USP4: variants seen among roughly 807,000 people sequenced by gnomAD.
USP4 encodes ubiquitin carboxyl-terminal hydrolase 4.
USP4 carries 72 observed loss-of-function variants against 118.2 expected under a neutral mutation model. The ratio of observed to expected loss-of-function variants is 0.61; its 90% CI spans 0.50 to 0.74. USP4 has a LOEUF of 0.74. Among genes scored for constraint, USP4 ranks in the 30% least tolerant of loss-of-function variants. The probability of loss-of-function intolerance (pLI) is 0.00; values close to 1 mark genes in which losing one functional copy is unlikely to be tolerated. For synonymous variants in USP4, 415 were observed against 440.4 expected (o/e 0.94, Z 0.72); for missense variants, 1,037 against 1,185.7 (o/e 0.87, Z 1.84).
intron 13 of USP4, among the ~76,000 whole-genome samples, chr3:49,295,714 G>GCGCGCGCACA (rs149459963): frequency 1.3e-5 from 2 of 148,320 alleles, no homozygotes; most frequent in African/African-American, 5.2e-5. Flanking sequence ...GCGCGCGCGC[G>GCGCGCGCACA]CACACACACA....
chr3:49,317,069 G>T, intron 6 of USP4: 1 of 1,209,052 alleles, frequency 8.3e-7, no homozygotes, highest in East Asian at 2.4e-5. Context: ...GGCAGGCCCT[G>T]CCCATGGTCT....
intron 9 of USP4, among the ~76,000 whole-genome samples, chr3:49,304,138 T>G (rs2047289647): frequency 6.6e-6 from 1 of 152,212 alleles, no homozygotes; most frequent in Non-Finnish European, 1.5e-5. Context: ...ACCAAGGGGA[T>G]GAAAGATAAT....
chr3:49,295,959 T>C (rs996227788), intron 13 of USP4, among the ~76,000 whole-genome samples: 1 of 152,094 alleles, frequency 6.6e-6, no homozygotes, highest in African/African-American at 2.4e-5. Flanking sequence ...ATTTATTCGG[T>C]GGACAATGGG....
chr3:49,310,014 T>C (rs1176256444), intron 8 of USP4, among the ~76,000 whole-genome samples: 1 of 127,500 alleles, frequency 7.8e-6, no homozygotes, highest in East Asian at 2.7e-4. Flanking sequence ...AGTGGCGTAA[T>C]CTCAGCTCAC....
intron 15 of USP4, among the ~76,000 whole-genome samples, chr3:49,287,188 T>G (rs2047103977): frequency 1.3e-5 from 2 of 151,992 alleles, no homozygotes; most frequent in Non-Finnish European, 2.9e-5. Flanking sequence ...GGAGTCTCAC[T>G]CTTTCGTCCA....
At chr3:49,316,171 C>T (rs758238134) in intron 6 of USP4, among the ~76,000 whole-genome samples, 2 of 152,050 alleles carry the variant, frequency 1.3e-5, no homozygotes, top group Non-Finnish European at 2.9e-5. Flanking sequence ...CATTGCACTC[C>T]AGACTGGGAA....
rs1481210292 is a variant in USP4, at chr3:49,302,388, T to C, written c.1283A>G (p.Asp428Gly). The C allele has an allele frequency of 6.2e-7, 1 of 1,613,552 alleles. No homozygotes were observed. Among genetic ancestry groups the C allele is most frequent in the Admixed American group, 1.7e-5 (1 of 59,842 alleles). ...LELKDANGRPDAVVAKEAWEN... is the reference protein window; with the variant it reads ...LELKDANGRPGAVVAKEAWEN... ...CAGACATCATTAATGGCATACCGCA[T>C]CTGGCCGCCCATTGGCATCCTTCAG... is the stretch of plus-strand genomic sequence containing the variant. Residue 428 changes from aspartate (D) to glycine (G), a missense_variant, in exon 10 of 22, where the codon GAT (aspartate) becomes GGT (glycine). By Grantham distance (94) the Asp-to-Gly change is moderately conservative (BLOSUM62 -1). This residue lies in a region of USP4 where 487 missense variants were observed against 534.1 expected (regional missense o/e 0.91). Transcript: ENST00000265560.
intron 15 of USP4, among the ~76,000 whole-genome samples, chr3:49,291,657 A>T (rs4410472): frequency 0.14 from 21,381 of 151,740 alleles, 1,723 homozygotes; most frequent in Non-Finnish European, 0.17. Context: ...GTTTTACAGA[A>T]AGCCACTGAG....
chr3:49,299,244 C>A (rs2047239631), intron 11 of USP4, among the ~76,000 whole-genome samples: 1 of 151,890 alleles, frequency 6.6e-6, no homozygotes. Flanking sequence ...CGCGCACCAC[C>A]ACGCCTGGAT....
In USP4 at chr3:49,278,238, G is replaced by A; in HGVS notation, c.*55C>T. 2 of 1,576,904 alleles carry A rather than the reference G, an allele frequency of 1.3e-6. No homozygotes were observed. The highest frequency in any genetic ancestry group is 1.7e-6 in the Non-Finnish European group (2 of 1,163,382). On this transcript the variant is annotated 3_prime_UTR_variant, in exon 22 of 22. Coordinates refer to ENST00000265560, the MANE Select transcript of USP4 (RefSeq NM_003363.4). Reference sequence around the variant, plus strand: ...TAGCAGTCTGCAGAGTGTCAAAGATGTTCTCCTGGGGGATTACACTGGCGC... The same window carrying A: ...TAGCAGTCTGCAGAGTGTCAAAGATATTCTCCTGGGGGATTACACTGGCGC...
chr3:49,326,988 C>T (rs2107800293), intron 3 of USP4, among the ~76,000 whole-genome samples: 1 of 152,294 alleles, frequency 6.6e-6, no homozygotes, highest in South Asian at 2.1e-4. Context: ...ATGTGAGCCA[C>T]TGCGCCTAGC....
intron 15 of USP4, among the ~76,000 whole-genome samples, chr3:49,291,929 T>A (rs1229643969): frequency 6.6e-6 from 1 of 151,808 alleles, no homozygotes; most frequent in African/African-American, 2.4e-5. Flanking sequence ...TTCTCCTGCC[T>A]CCCAAGTAGC....
rs375746530 is a variant in USP4 at position 49,305,832 on chromosome 3, G to A, written c.1011C>T (p.Ala337=). 114 of 1,613,956 alleles carry A rather than the reference G, an allele frequency of 7.1e-5. No individual in the cohort carries two copies. The highest frequency in any genetic ancestry group is 4.0e-4 in the Admixed American group (24 of 59,984). Residue 337 remains alanine (A), a synonymous_variant, in exon 9 of 22, where the codon GCC becomes GCT. Coordinates refer to ENST00000265560, the MANE Select transcript of USP4 (RefSeq NM_003363.4). The part of the protein sequence containing the change: ...TDYFLKDEYE[A]EINRDNPLGM... ...CCAGAGGGTTGTCTCTGTTGATTTCGGCTTCATACTCATCTTTGAGAAAGT... is the reference window on the plus strand; with the variant it reads ...CCAGAGGGTTGTCTCTGTTGATTTCAGCTTCATACTCATCTTTGAGAAAGT...
chr3:49,307,724 G>A (rs79927228), intron 8 of USP4, among the ~76,000 whole-genome samples: 1,597 of 152,112 alleles, frequency 0.01, 27 homozygotes, highest in African/African-American at 0.037. Flanking sequence ...TAGGAAGACT[G>A]CTTAAGGCCA....
chr3:49,306,575 T>C (rs887811128), intron 8 of USP4, among the ~76,000 whole-genome samples: 1 of 152,022 alleles, frequency 6.6e-6, no homozygotes, highest in Non-Finnish European at 1.5e-5. Context: ...CCTAGCATCA[T>C]GAGATAGAAG....
At chr3:49,303,119 T>C (rs2047277347) in intron 9 of USP4, among the ~76,000 whole-genome samples, 1 of 152,092 alleles carries the variant, frequency 6.6e-6, no homozygotes, top group Admixed American at 6.6e-5. Flanking sequence ...TGTGTTGTAT[T>C]AAGCACTCCC....
Position 49,292,540 on chromosome 3 carries a change from C to G in USP4, c.1942G>C (p.Ala648Pro), listed in dbSNP as rs538839761. The change falls in exon 15 of 22, where the codon GCC (alanine) becomes CCC (proline). Residue 648 changes from alanine to proline, a missense_variant. By Grantham distance (27) the Ala-to-Pro change is conservative. Coordinates refer to ENST00000265560, the MANE Select transcript of USP4 (RefSeq NM_003363.4). ...EFGSSPLEPGACNGSRNSCEG... is the reference protein window; with the variant it reads ...EFGSSPLEPGPCNGSRNSCEG... ...CAGCTGTTCCTGGAGCCATTGCAGGCCCCTGGCTCCAAGGGTGAGCTGCCA... is the reference window on the plus strand; with the variant it reads ...CAGCTGTTCCTGGAGCCATTGCAGGGCCCTGGCTCCAAGGGTGAGCTGCCA... 1.9e-5 allele frequency: 30 copies of G among 1,598,080 alleles called. 1 individual carries two copies. In the African/African-American group the frequency reaches 3.1e-4, roughly 16 times the overall value.
At chr3:49,320,460 A>AAAAAG (rs2047487241) in intron 6 of USP4, among the ~76,000 whole-genome samples, 1 of 151,966 alleles carries the variant, frequency 6.6e-6, no homozygotes, top group East Asian at 1.9e-4. Context: ...AAAGAAAAAG[A>AAAAAG]AAAAGAGACA....
chr3:49,305,869 G>A lies in USP4; in HGVS notation c.974C>T (p.Pro325Leu). ...ATCTTTGAGAAAGTAGTCAGTCAGT[G>A]GTGCAGTGTTGCTCAAACACTGAAA... Reference protein sequence around the residue: ...SALQCLSNTAPLTDYFLKDEY... With the variant: ...SALQCLSNTALLTDYFLKDEY... The change falls in exon 9 of 22, where the codon CCA becomes CTA. Residue 325 changes from proline to leucine, a missense_variant. Transcript: ENST00000265560. 6.2e-7 allele frequency: 1 copy of A among 1,613,700 alleles called. No homozygotes were observed.
Sources: allele counts gnomAD v4.1 joint callset (sites outside exome capture counted in the v4.1 genomes callset), GRCh38; gene constraint gnomAD v4.1.1; regional missense constraint gnomAD v4.1.1; transcripts MANE v1.5; gene names NCBI Gene and HGNC (gene_info 2026-07-23, HGNC 2026-07-21).